The following ANKS1B variants were observed in gnomAD, a reference collection of about 807,000 sequenced individuals.
ANKS1B encodes the protein ankyrin repeat and sterile alpha motif domain-containing protein 1B.
A neutral mutation model predicts 148.3 loss-of-function variants in ANKS1B; 36 were observed. The observed-to-expected ratio is 0.24, with a 90% CI of 0.19 to 0.32. The LOEUF is 0.32. Ranked by LOEUF, ANKS1B falls within the 10% of genes least tolerant of loss-of-function variation. The pLI, the probability that ANKS1B is intolerant of heterozygous loss-of-function variation, is 1.00. For missense variants in ANKS1B, 1,157 were observed against 1,542.6 expected, an observed-to-expected ratio of 0.75 and a Z score of 4.19; for synonymous variants, 542 against 560.8, an observed-to-expected ratio of 0.97 and a Z score of 0.47.
At chr12:98,800,274 A>T (rs755524773) in intron 21 of ANKS1B, among the ~76,000 whole-genome samples, 10 of 152,024 alleles carry the variant, frequency 6.6e-5, no homozygotes, top group Non-Finnish European at 7.4e-5. Context: ...GTCCATCTAA[A>T]TCAAATGAAG....
At chr12:99,375,166 C>G (rs759787710) in intron 12 of ANKS1B, among the ~76,000 whole-genome samples, 2 of 152,210 alleles carry the variant, frequency 1.3e-5, no homozygotes, top group Non-Finnish European at 2.9e-5. Context: ...AACTTCAGCA[C>G]TACTGACATC....
At chr12:99,714,616 T>C (rs933103188) in intron 8 of ANKS1B, among the ~76,000 whole-genome samples, 2 of 152,194 alleles carry the variant, frequency 1.3e-5, no homozygotes, top group East Asian at 1.9e-4. Flanking sequence ...TGAGGCACCA[T>C]GATCCACTAT....
chr12:99,089,007 G>A lies in ANKS1B; in HGVS notation c.2527-3984C>T, dbSNP rs569068454. Among the ~76,000 whole-genome samples, 7 of 151,652 alleles carry A rather than the reference G, an allele frequency of 4.6e-5. No individual in the cohort carries two copies. In the East Asian group the frequency reaches 1.4e-3, roughly 29 times the overall value. ...ATTACAGGTGCCCGTCACCATGCCT[G>A]GCTAACAGGGTTTCATCATGTTGGC... On this transcript the variant is annotated intron_variant, in intron 15 of 26. Transcript: ENST00000683438.
intron 24 of ANKS1B, among the ~76,000 whole-genome samples, chr12:98,777,587 T>C (rs944885727): frequency 6.6e-6 from 1 of 152,218 alleles, no homozygotes; most frequent in Non-Finnish European, 1.5e-5. Context: ...CTTTGGGCTA[T>C]TGATCAACAG....
intron 26 of ANKS1B, among the ~76,000 whole-genome samples, chr12:98,750,945 C>T (rs1593474043): frequency 1.3e-5 from 2 of 152,328 alleles, no homozygotes; most frequent in East Asian, 3.9e-4. Context: ...AGGACATCAT[C>T]ACTGTGTACC....
intron 9 of ANKS1B, among the ~76,000 whole-genome samples, chr12:99,520,472 TC>T (rs1380469221): frequency 6.6e-6 from 1 of 152,240 alleles, no homozygotes; most frequent in African/African-American, 2.4e-5. Context: ...GTTATTTGTT[TC>T]TTTTCTTTTG....
intron 17 of ANKS1B, among the ~76,000 whole-genome samples, chr12:98,979,176 T>G (rs949895313): frequency 8.6e-5 from 13 of 151,864 alleles, no homozygotes; most frequent in Non-Finnish European, 1.6e-4. Context: ...TGAGAAAAAG[T>G]ATTTTATATT....
intron 24 of ANKS1B, among the ~76,000 whole-genome samples, chr12:98,780,060 G>A (rs909766865): frequency 1.3e-5 from 2 of 152,118 alleles, no homozygotes; most frequent in African/African-American, 2.4e-5. Context: ...AGATGCTGGG[G>A]TTTAATAGAG....
At chr12:99,811,349 T>C (rs1169742629) in intron 3 of ANKS1B, among the ~76,000 whole-genome samples, 1 of 151,884 alleles carries the variant, frequency 6.6e-6, no homozygotes, top group African/African-American at 2.4e-5. Flanking sequence ...TGCAGCTTAA[T>C]GCCGTGATTG....
Position 98,807,910 on chromosome 12 carries a change from AGAC to A in ANKS1B, c.3072_3074del (p.Ser1025del). 1 of 1,612,950 alleles carries A rather than the reference AGAC, an allele frequency of 6.2e-7. No individual in the cohort carries two copies. The highest frequency in any genetic ancestry group is 8.5e-7 in the Non-Finnish European group (1 of 1,179,346). On this transcript the variant is annotated inframe_deletion, in exon 20 of 27. Transcript: ENST00000683438. ...TCTGATTCGTCCATATTTCACAGAC[AGAC>A]GACTGCTGATATAAACAGAAAACTA...
intron 22 of ANKS1B, among the ~76,000 whole-genome samples, chr12:98,788,777 G>A (rs185891564): frequency 4.7e-4 from 72 of 152,336 alleles, no homozygotes; most frequent in Admixed American, 4.7e-3. Flanking sequence ...GTTACTGTCA[G>A]AACTGTTCTC....
chr12:99,464,849 C>T (rs1231216669), intron 10 of ANKS1B, among the ~76,000 whole-genome samples: 1 of 152,174 alleles, frequency 6.6e-6, no homozygotes, highest in East Asian at 1.9e-4. Flanking sequence ...GAGAATGGAA[C>T]CAAGTTGGAA....
chr12:99,439,561 G>A (rs1329929259), intron 11 of ANKS1B, among the ~76,000 whole-genome samples: 1 of 151,732 alleles, frequency 6.6e-6, no homozygotes, highest in Non-Finnish European at 1.5e-5. Context: ...AGGTAGTCAT[G>A]ATCATTAGTC....
At chr12:99,022,894 C>G (rs1245595607) in intron 17 of ANKS1B, among the ~76,000 whole-genome samples, 1 of 151,970 alleles carries the variant, frequency 6.6e-6, no homozygotes, top group Non-Finnish European at 1.5e-5. Context: ...AGAAATTTTC[C>G]TTAAATTCCT....
chr12:99,351,845 C>T (rs1192869073), intron 12 of ANKS1B: 2 of 152,028 alleles, frequency 1.3e-5, no homozygotes, highest in Non-Finnish European at 2.9e-5. Context: ...TAGATAATTC[C>T]AGAGATTAGT....
At chr12:99,327,687 A>G (rs1291636499) in intron 12 of ANKS1B, among the ~76,000 whole-genome samples, 1 of 149,900 alleles carries the variant, frequency 6.7e-6, no homozygotes, top group African/African-American at 2.4e-5. Flanking sequence ...GCAAAATAAA[A>G]GTCGGTTTTC....
intron 16 of ANKS1B, among the ~76,000 whole-genome samples, chr12:99,059,469 ATAAC>A (rs879790905): frequency 5.9e-5 from 9 of 152,306 alleles, no homozygotes; most frequent in Middle Eastern, 3.4e-3. Flanking sequence ...CTGCCTAACA[ATAAC>A]ATTCATAACT....
At chr12:98,926,396 A>G (rs2099808257) in intron 17 of ANKS1B, among the ~76,000 whole-genome samples, 1 of 152,200 alleles carries the variant, frequency 6.6e-6, no homozygotes, top group Non-Finnish European at 1.5e-5. Flanking sequence ...AAGGGCATCA[A>G]CAACAGACCT....
At chr12:99,415,424 T>C (rs1470334042) in intron 11 of ANKS1B, among the ~76,000 whole-genome samples, 1 of 152,200 alleles carries the variant, frequency 6.6e-6, no homozygotes, top group Non-Finnish European at 1.5e-5. Flanking sequence ...ACAGCTAAAA[T>C]AGGAAGCACA....
Sources: allele counts gnomAD v4.1 joint callset (sites outside exome capture counted in the v4.1 genomes callset), GRCh38; gene constraint gnomAD v4.1.1; transcripts MANE v1.5; gene names NCBI Gene and HGNC (gene_info 2026-07-23, HGNC 2026-07-21).